MCHR2: variants seen among roughly 807,000 people sequenced by gnomAD.
MCHR2 encodes the protein melanin-concentrating hormone receptor 2.
Under a neutral mutation model 24.8 loss-of-function variants are expected in MCHR2, and 15 were observed. The ratio of observed to expected loss-of-function variants is 0.60; its 90% CI spans 0.40 to 0.93. The LOEUF is 0.93. MCHR2 is among the 40% of genes least tolerant of loss of function. MCHR2 has a pLI of 0.00. For missense variants in MCHR2, 386 were observed against 408.7 expected, an observed-to-expected ratio of 0.94 and a Z score of 0.48; for synonymous variants, 151 against 147.6, an observed-to-expected ratio of 1.02 and a Z score of -0.17.
intron 5 of MCHR2, among the ~76,000 whole-genome samples, chr6:99,930,819 T>G (rs1364113205): frequency 6.6e-6 from 1 of 152,228 alleles, no homozygotes; most frequent in African/African-American, 2.4e-5. Context: ...TTTGATCATC[T>G]GAAGACTTCT....
chr6:99,977,346 A>G (rs1775570797), intron 1 of MCHR2, among the ~76,000 whole-genome samples: 2 of 152,214 alleles, frequency 1.3e-5, no homozygotes, highest in African/African-American at 4.8e-5. Flanking sequence ...CCTCCAGTTC[A>G]TCATTTCACT....
At chr6:99,955,378 C>T (rs572028574) in intron 2 of MCHR2, among the ~76,000 whole-genome samples, 63 of 152,152 alleles carry the variant, frequency 4.1e-4, no homozygotes, top group African/African-American at 1.5e-3. Flanking sequence ...AGGAGGTACT[C>T]GGGGGCAGAT....
At chr6:99,941,914 A>G (rs1322448808) in intron 4 of MCHR2, among the ~76,000 whole-genome samples, 1 of 152,044 alleles carries the variant, frequency 6.6e-6, no homozygotes, top group African/African-American at 2.4e-5. Context: ...CTGTGTCCAC[A>G]TAATGCAGAA....
chr6:99,949,496 A>AGT (rs1162047264), intron 2 of MCHR2, among the ~76,000 whole-genome samples: 1 of 152,086 alleles, frequency 6.6e-6, no homozygotes, highest in African/African-American at 2.4e-5. Flanking sequence ...TTTGGAAGCT[A>AGT]GTGTGTGTCT....
chr6:99,966,806 A>G (rs1056221666), intron 1 of MCHR2, among the ~76,000 whole-genome samples: 10 of 152,170 alleles, frequency 6.6e-5, no homozygotes, highest in South Asian at 2.1e-4. Context: ...AATCTTTTGT[A>G]TAAAGAATCT....
rs1200781058 is a variant in MCHR2, at chr6:99,921,093, G to A, written c.870C>T (p.Leu290=). The A allele has an allele frequency of 6.2e-7, 1 of 1,614,182 alleles. No individual in the cohort carries two copies. Among genetic ancestry groups the A allele is most frequent in the Non-Finnish European group, 8.5e-7 (1 of 1,180,024 alleles). ...PTLAFYVGYY[L]SICLSYASSS... is the part of the protein sequence containing the mutation. ...TGCTGGCATAGCTGAGACAGATGGA[G>A]AGGTAATAACCCACATAGAAGGCCA... The change falls in exon 6 of 6, where the codon CTC becomes CTT. Residue 290 remains leucine, a synonymous_variant. Coordinates refer to ENST00000281806, the MANE Select transcript of MCHR2 (RefSeq NM_001040179.2).
At position 99,934,443 on chromosome 6, in the gene MCHR2, A is replaced by G; in HGVS notation, c.662T>C (p.Leu221Ser). The change falls in exon 5 of 6, where the codon TTA becomes TCA. Residue 221 changes from leucine (L) to serine (S), a missense_variant. Transcript: ENST00000281806. ...TTGATACATCTCCCAAGTATAGCAT[A>G]AAATTAAAATATAGCACACCAAAAT... Reference protein sequence around the residue: ...PLILVCYILILCYTWEMYQQN... With the variant: ...PLILVCYILISCYTWEMYQQN... The G allele has an allele frequency of 6.2e-7, 1 of 1,607,046 alleles. No homozygotes were observed. The highest frequency in any genetic ancestry group is 1.1e-5 in the South Asian group (1 of 89,614).
chr6:99,978,134 C>A (rs113766950), intron 1 of MCHR2, among the ~76,000 whole-genome samples: 3,851 of 152,256 alleles, frequency 0.025, 107 homozygotes, highest in African/African-American at 0.067. Flanking sequence ...CAATCAGAGA[C>A]AAGGTAGGTT....
At chr6:99,937,518 G>C (rs1774686820) in intron 4 of MCHR2, among the ~76,000 whole-genome samples, 1 of 151,902 alleles carries the variant, frequency 6.6e-6, no homozygotes, top group Non-Finnish European at 1.5e-5. Context: ...TTATTGATTT[G>C]TGTATGGTGA....
intron 1 of MCHR2, among the ~76,000 whole-genome samples, chr6:99,974,818 C>A (rs556810110): frequency 6.6e-6 from 1 of 152,192 alleles, no homozygotes; most frequent in Non-Finnish European, 1.5e-5. Flanking sequence ...TGCTAGAGGT[C>A]CACTCCAGAT....
At chr6:99,928,965 G>A (rs1378413466) in intron 5 of MCHR2, among the ~76,000 whole-genome samples, 2 of 151,976 alleles carry the variant, frequency 1.3e-5, no homozygotes, top group South Asian at 2.1e-4. Context: ...GCTTTCTCTT[G>A]TGGGCATTTA....
intron 1 of MCHR2, among the ~76,000 whole-genome samples, chr6:99,984,806 T>C (rs1033270968): frequency 6.6e-6 from 1 of 152,044 alleles, no homozygotes; most frequent in Non-Finnish European, 1.5e-5. Context: ...TATTCAAACA[T>C]AGAACTGAAA....
intron 1 of MCHR2, among the ~76,000 whole-genome samples, chr6:99,990,324 A>G (rs1377653475): frequency 6.6e-6 from 1 of 152,210 alleles, no homozygotes; most frequent in African/African-American, 2.4e-5. Flanking sequence ...TTCTCATAAA[A>G]CAAGTGGTTT....
chr6:99,937,008 G>GA (rs777269558), intron 4 of MCHR2, among the ~76,000 whole-genome samples: 5 of 151,668 alleles, frequency 3.3e-5, no homozygotes, highest in Admixed American at 2.0e-4. Context: ...TTCTTTGTCA[G>GA]ATTGTTTATT....
At chr6:99,981,542 A>C (rs552790686) in intron 1 of MCHR2, among the ~76,000 whole-genome samples, 1 of 152,198 alleles carries the variant, frequency 6.6e-6, no homozygotes, top group Non-Finnish European at 1.5e-5. Flanking sequence ...GGGATTGAGA[A>C]TGGGGTCAAA....
chr6:99,929,153 T>G (rs996485546), intron 5 of MCHR2, among the ~76,000 whole-genome samples: 1 of 152,288 alleles, frequency 6.6e-6, no homozygotes, highest in Admixed American at 6.5e-5. Context: ...CAGTTTTGAG[T>G]GAGTTTCTTA....
intron 5 of MCHR2, among the ~76,000 whole-genome samples, chr6:99,931,278 G>C (rs1369222189): frequency 6.6e-6 from 1 of 152,320 alleles, no homozygotes; most frequent in East Asian, 1.9e-4. Context: ...GGCTGCTCGG[G>C]GGTCAGGGGT....
intron 5 of MCHR2, among the ~76,000 whole-genome samples, chr6:99,929,617 T>G (rs1441876012): frequency 2.6e-5 from 4 of 151,998 alleles, no homozygotes; most frequent in Admixed American, 2.6e-4. Flanking sequence ...TCTTCTGATC[T>G]TTGTTGGTTT....
chr6:99,974,224 C>T lies in MCHR2; in HGVS notation c.-27-18050G>A, dbSNP rs553912236. Reference sequence around the variant, plus strand: ...ATCAGATGTAGATTTGGTCTTTTCACATAGTCCCATATTTCTTGGAAGCTT... The same window carrying T: ...ATCAGATGTAGATTTGGTCTTTTCATATAGTCCCATATTTCTTGGAAGCTT... On this transcript the variant is annotated intron_variant, in intron 1 of 5. Coordinates refer to ENST00000281806, the MANE Select transcript of MCHR2 (RefSeq NM_001040179.2). Among the ~76,000 whole-genome samples, 10 of 152,258 alleles carry T rather than the reference C, an allele frequency of 6.6e-5. No individual in the cohort carries two copies. In the South Asian group the frequency reaches 1.7e-3, roughly 25 times the overall value.
Sources: allele counts gnomAD v4.1 joint callset (sites outside exome capture counted in the v4.1 genomes callset), GRCh38; gene constraint gnomAD v4.1.1; transcripts MANE v1.5; gene names NCBI Gene and HGNC (gene_info 2026-07-23, HGNC 2026-07-21).